SYNE2: variants seen among roughly 807,000 people sequenced by gnomAD.
The protein encoded by SYNE2 is nesprin-2.
SYNE2 carries 431 observed loss-of-function variants against 856.3 expected under a neutral mutation model. The ratio of observed to expected loss-of-function variants is 0.50; its 90% CI spans 0.47 to 0.55. The LOEUF (loss-of-function observed/expected upper bound fraction) is 0.55, where lower values mean the gene tolerates loss of function less well. SYNE2 is among the 20% of genes least tolerant of loss of function. The pLI is 0.00. For synonymous variants in SYNE2, 2,923 were observed against 2,872.3 expected, an observed-to-expected ratio of 1.02 and a Z score of -0.56; for missense variants, 8,129 against 8,023.2, an observed-to-expected ratio of 1.01 and a Z score of -0.50.
intron 1 of SYNE2, among the ~76,000 whole-genome samples, chr14:63,853,350 C>T (rs979461801): frequency 6.6e-6 from 1 of 151,676 alleles, no homozygotes; most frequent in Admixed American, 6.6e-5. Flanking sequence ...CGGAGGGCGC[C>T]GTAAACTTGT....
intron 110 of SYNE2, among the ~76,000 whole-genome samples, chr14:64,220,139 G>A (rs1422698848): frequency 6.6e-6 from 1 of 152,180 alleles, no homozygotes; most frequent in African/African-American, 2.4e-5. Flanking sequence ...TACTTTATCT[G>A]GAAGACCTTT....
At chr14:63,795,104 G>A (rs1356454232) in intron 1 of SYNE2, among the ~76,000 whole-genome samples, 2 of 152,040 alleles carry the variant, frequency 1.3e-5, no homozygotes, top group East Asian at 3.8e-4. Context: ...GGCAAAGATG[G>A]TGTGATGGTT....
At chr14:64,209,720 G>T in intron 102 of SYNE2, 142 bp downstream of exon 102, 1 of 1,284,384 alleles carries the variant, frequency 7.8e-7, no homozygotes. Flanking sequence ...GCCCCCAGCT[G>T]CTGAGACAGC....
intron 13 of SYNE2, among the ~76,000 whole-genome samples, chr14:63,978,529 A>G (rs1945983332): frequency 6.6e-6 from 1 of 152,224 alleles, no homozygotes; most frequent in Non-Finnish European, 1.5e-5. Context: ...CTTAGATTAT[A>G]GTTTTATTAA....
chr14:64,001,535 A>G (rs576335510), intron 28 of SYNE2, among the ~76,000 whole-genome samples: 101 of 152,334 alleles, frequency 6.6e-4, no homozygotes, highest in African/African-American at 2.3e-3. Context: ...AAATACAAAA[A>G]GAAGAAAAAA....
chr14:64,198,872 G>A (rs1225162361), intron 99 of SYNE2, among the ~76,000 whole-genome samples: 1 of 152,162 alleles, frequency 6.6e-6, no homozygotes, highest in Non-Finnish European at 1.5e-5. Context: ...AGGTATGAGT[G>A]AACATCATTT....
intron 96 of SYNE2, among the ~76,000 whole-genome samples, chr14:64,178,103 G>A (rs976029476): frequency 1.3e-5 from 2 of 152,174 alleles, no homozygotes; most frequent in Admixed American, 1.3e-4. Flanking sequence ...GAGACTGTTG[G>A]AGTGGTATTT....
At chr14:63,808,687 G>A (rs1888484342) in intron 1 of SYNE2, 1 of 152,380 alleles carries the variant, frequency 6.6e-6, no homozygotes, top group South Asian at 2.1e-4. Context: ...CAATGTCAAA[G>A]GCCCTGTGTG....
At chr14:64,100,480 C>A (rs1251932387) in intron 63 of SYNE2, 2 of 130,092 alleles carry the variant, frequency 1.5e-5, no homozygotes, top group Admixed American at 1.8e-4. Flanking sequence ...CACGCTGTTG[C>A]ACTCCAGCCT....
intron 101 of SYNE2, 114 bp from the exon 102 acceptor site, chr14:64,209,314 G>A (rs2098627841): frequency 6.5e-7 from 1 of 1,547,324 alleles, no homozygotes. Context: ...TTATTTCCCA[G>A]AAGGGGTAAC....
At chr14:63,887,539 G>A (rs780348145) in intron 1 of SYNE2, among the ~76,000 whole-genome samples, 2 of 152,106 alleles carry the variant, frequency 1.3e-5, no homozygotes, top group Non-Finnish European at 2.9e-5. Flanking sequence ...ATCCAGAGAG[G>A]CAACCCTCAC....
At chr14:64,059,039 A>C (rs1954051) in intron 49 of SYNE2, among the ~76,000 whole-genome samples, 111,723 of 151,894 alleles carry the variant, frequency 0.74, 43,538 homozygotes, top group Non-Finnish European at 0.87. Context: ...ACGTTGTTAA[A>C]CGTATCTGAT....
chr14:63,836,439 T>C (rs1889862756), intron 1 of SYNE2, among the ~76,000 whole-genome samples: 1 of 152,224 alleles, frequency 6.6e-6, no homozygotes, highest in African/African-American at 2.4e-5. Flanking sequence ...ACTATAAACA[T>C]TGGGGTCACT....
intron 85 of SYNE2, among the ~76,000 whole-genome samples, chr14:64,153,788 A>G (rs2098264715): frequency 6.6e-6 from 1 of 152,004 alleles, no homozygotes; most frequent in Admixed American, 6.5e-5. Flanking sequence ...AAATGAAATA[A>G]TGCATGTGAA....
intron 96 of SYNE2, among the ~76,000 whole-genome samples, chr14:64,183,759 TACGAAA>T (rs1200413381): frequency 1.3e-5 from 2 of 151,864 alleles, no homozygotes; most frequent in Non-Finnish European, 2.9e-5. Context: ...ACCAAAAAAA[TACGAAA>T]ACCAGACAGA....
intron 84 of SYNE2, among the ~76,000 whole-genome samples, chr14:64,149,651 G>T (rs1459767616): frequency 6.6e-6 from 1 of 152,192 alleles, no homozygotes; most frequent in Admixed American, 6.5e-5. Context: ...AAAGAAGTAT[G>T]TTCGTGATAA....
Position 64,029,878 on chromosome 14 carries a change from T to C in SYNE2, c.6715-17T>C. On this transcript the variant is annotated splice_polypyrimidine_tract_variant and intron_variant, in intron 43 of 115. Coordinates refer to ENST00000555002, the MANE Select transcript of SYNE2 (RefSeq NM_182914.3). Reference sequence around the variant, plus strand: ...AGAGAGAAATAATTTGTAAATTGTCTGTGGCTTTATTTTTAGGATTCTGTG... The same window carrying C: ...AGAGAGAAATAATTTGTAAATTGTCCGTGGCTTTATTTTTAGGATTCTGTG... The C allele has an allele frequency of 6.2e-7, 1 of 1,611,286 alleles. No homozygotes were observed. Among genetic ancestry groups the C allele is most frequent in the Non-Finnish European group, 8.5e-7 (1 of 1,178,362 alleles).
At chr14:63,769,922 T>C (rs1007476571) in intron 1 of SYNE2, among the ~76,000 whole-genome samples, 3 of 151,326 alleles carry the variant, frequency 2.0e-5, no homozygotes, top group South Asian at 2.1e-4. Flanking sequence ...AGGGGCAACA[T>C]ATATATATAT....
At chr14:64,155,127 C>T (rs776459230) in intron 85 of SYNE2, among the ~76,000 whole-genome samples, 3 of 152,078 alleles carry the variant, frequency 2.0e-5, no homozygotes, top group Non-Finnish European at 4.4e-5. Flanking sequence ...ATAGATAGCC[C>T]AAGAGAAATG....
Sources: allele counts gnomAD v4.1 joint callset (sites outside exome capture counted in the v4.1 genomes callset), GRCh38; gene constraint gnomAD v4.1.1; transcripts MANE v1.5; gene names NCBI Gene and HGNC (gene_info 2026-07-23, HGNC 2026-07-21).